DKK2: variants seen among roughly 807,000 people sequenced by gnomAD.
The protein encoded by DKK2 is dickkopf Wnt signaling pathway inhibitor 2.
A neutral mutation model predicts 28.1 loss-of-function variants in DKK2; 11 were observed. The observed-to-expected ratio is 0.39, with a 90% confidence interval of 0.25 to 0.65. The LOEUF (loss-of-function observed/expected upper bound fraction) is 0.65, where lower values mean the gene tolerates loss of function less well. Ranked by LOEUF, DKK2 falls within the 30% of genes least tolerant of loss-of-function variation. DKK2 has a pLI of 0.47. For synonymous variants in DKK2, 135 were observed against 126.5 expected (o/e 1.07, Z -0.45); for missense variants, 326 against 335.5 (o/e 0.97, Z 0.22).
chr4:107,005,296 G>A (rs372089702), intron 1 of DKK2, among the ~76,000 whole-genome samples: 1 of 142,960 alleles, frequency 7.0e-6, no homozygotes, highest in South Asian at 2.2e-4. Flanking sequence ...AGCCAAGATC[G>A]TGCCACTGCA....
At chr4:107,009,824 T>G (rs2110368456) in intron 1 of DKK2, among the ~76,000 whole-genome samples, 1 of 151,878 alleles carries the variant, frequency 6.6e-6, no homozygotes, top group East Asian at 1.9e-4. Flanking sequence ...CAAAAAGCAA[T>G]TTTAGGCTCT....
At chr4:106,962,408 C>T (rs1722698756) in intron 1 of DKK2, among the ~76,000 whole-genome samples, 1 of 151,654 alleles carries the variant, frequency 6.6e-6, no homozygotes. Context: ...CAGGCATTGA[C>T]AGCCAACTGA....
chr4:106,968,424 C>G (rs925649652), intron 1 of DKK2, among the ~76,000 whole-genome samples: 1 of 152,042 alleles, frequency 6.6e-6, no homozygotes, highest in Non-Finnish European at 1.5e-5. Flanking sequence ...TCACACAAGC[C>G]TTCTCTCCAG....
Position 106,986,738 on chromosome 4 carries a change from A to G in DKK2, c.222+48632T>C, listed in dbSNP as rs77065421. Among the ~76,000 whole-genome samples, 195 of 152,300 alleles carry G rather than the reference A, an allele frequency of 1.3e-3. 2 individuals carry two copies. The highest frequency in any genetic ancestry group is 4.6e-3 in the African/African-American group (190 of 41,572). On this transcript the variant is annotated intron_variant, in intron 1 of 3. Coordinates refer to ENST00000285311, the MANE Select transcript of DKK2 (RefSeq NM_014421.3). ...TAATTCGAAGCAGCTGGTACATTCT[A>G]AATATGGAGAGCCTGAGCTTCTAAA...
intron 1 of DKK2, among the ~76,000 whole-genome samples, chr4:106,982,438 T>C (rs1723040146): frequency 6.6e-6 from 1 of 152,082 alleles, no homozygotes; most frequent in Admixed American, 6.5e-5. Context: ...AGAAAGAAAC[T>C]CTGGTGAATC....
intron 1 of DKK2, among the ~76,000 whole-genome samples, chr4:106,993,817 C>T (rs752727977): frequency 3.9e-5 from 6 of 152,026 alleles, no homozygotes; most frequent in Non-Finnish European, 8.8e-5. Context: ...TCGGAAGCTG[C>T]GGGGAAAATA....
At chr4:107,015,364 C>T (rs999382888) in intron 1 of DKK2, among the ~76,000 whole-genome samples, 1 of 151,490 alleles carries the variant, frequency 6.6e-6, no homozygotes, top group Non-Finnish European at 1.5e-5. Context: ...TGTCAAATGC[C>T]TCTCCATGTA....
intron 1 of DKK2, among the ~76,000 whole-genome samples, chr4:106,968,293 G>A (rs2110353206): frequency 6.6e-6 from 1 of 152,202 alleles, no homozygotes; most frequent in Admixed American, 6.6e-5. Context: ...CTACTACCGT[G>A]GCTCCTTGAA....
intron 1 of DKK2, among the ~76,000 whole-genome samples, chr4:107,002,337 A>G (rs1460052139): frequency 6.6e-6 from 1 of 152,196 alleles, no homozygotes; most frequent in African/African-American, 2.4e-5. Context: ...TAGCAGACCT[A>G]TTGGTTGTTT....
intron 1 of DKK2, among the ~76,000 whole-genome samples, chr4:106,993,901 G>A (rs1039533352): frequency 1.3e-5 from 2 of 152,134 alleles, no homozygotes; most frequent in African/African-American, 4.8e-5. Context: ...AAATTGGCAG[G>A]AGTCATGAGA....
chr4:106,973,346 C>T (rs1056614956), intron 1 of DKK2, among the ~76,000 whole-genome samples: 2 of 152,212 alleles, frequency 1.3e-5, no homozygotes, highest in African/African-American at 4.8e-5. Context: ...AATTAACACT[C>T]CCACCAACAG....
intron 1 of DKK2, among the ~76,000 whole-genome samples, chr4:106,991,250 G>A (rs1010983216): frequency 3.3e-5 from 5 of 152,052 alleles, no homozygotes; most frequent in African/African-American, 9.7e-5. Context: ...GAATTGCCCA[G>A]GTTTGTACAC....
intron 1 of DKK2, among the ~76,000 whole-genome samples, chr4:106,969,576 CTGACA>C (rs1722832841): frequency 6.6e-6 from 1 of 152,088 alleles, no homozygotes; most frequent in African/African-American, 2.4e-5. Context: ...TTCTTTTCCC[CTGACA>C]TATTTTCACT....
Position 107,035,897 on chromosome 4 carries a change from C to T in DKK2, c.-306G>A, listed in dbSNP as rs554867034. On this transcript the variant is annotated 5_prime_UTR_variant, in exon 1 of 4. Coordinates refer to ENST00000285311, the MANE Select transcript of DKK2 (RefSeq NM_014421.3). ...GCGTGACCCAAGGTGCAAGAAAACCCAGCCCTGTGGATCGCACCGCTTCCG... is the reference window on the plus strand; with the variant it reads ...GCGTGACCCAAGGTGCAAGAAAACCTAGCCCTGTGGATCGCACCGCTTCCG... The T allele has an allele frequency of 4.6e-6, 2 of 432,096 alleles. No individual in the cohort carries two copies. The highest frequency in any genetic ancestry group is 8.5e-6 in the Non-Finnish European group (2 of 234,792). The allele number at this position is 432,096 out of a possible 1,614,324, so 26.8% of individuals were successfully genotyped here.
Position 107,019,090 on chromosome 4 carries a change from G to A in DKK2, c.222+16280C>T, listed in dbSNP as rs996955631. 8.6e-5 allele frequency among the ~76,000 whole-genome samples: 13 copies of A among 151,970 alleles called. 1 individual carries two copies. Among genetic ancestry groups the A allele is most frequent in the Admixed American group, 5.9e-4 (9 of 15,238 alleles). ...CATTTTGGATTTTCTCCTCAGAAAC[G>A]AGAAGATAAGAACTTCAACAACGTT... is the stretch of plus-strand genomic sequence containing the variant. On this transcript the variant is annotated intron_variant, in intron 1 of 3. Transcript: ENST00000285311.
chr4:106,975,408 C>T (rs1009880636), intron 1 of DKK2, among the ~76,000 whole-genome samples: 7 of 152,088 alleles, frequency 4.6e-5, no homozygotes, highest in African/African-American at 1.4e-4. Flanking sequence ...TAAATACTGC[C>T]TCAATTTCAG....
intron 1 of DKK2, among the ~76,000 whole-genome samples, chr4:107,008,897 GA>G (rs1431598998): frequency 6.6e-6 from 1 of 151,948 alleles, no homozygotes; most frequent in African/African-American, 2.4e-5. Flanking sequence ...AGGTCAGGCA[GA>G]AATATGACAT....
intron 1 of DKK2, among the ~76,000 whole-genome samples, chr4:106,952,247 T>A (rs1724871047): frequency 6.6e-6 from 1 of 152,174 alleles, no homozygotes; most frequent in African/African-American, 2.4e-5. Flanking sequence ...TTCTTCCTAG[T>A]AGATCAACTC....
intron 1 of DKK2, among the ~76,000 whole-genome samples, chr4:107,017,358 G>A (rs1205282802): frequency 3.3e-5 from 5 of 152,040 alleles, no homozygotes; most frequent in Non-Finnish European, 7.4e-5. Context: ...AATTATAGCT[G>A]TTTAAAGGCA....
Sources: allele counts gnomAD v4.1 joint callset (sites outside exome capture counted in the v4.1 genomes callset), GRCh38; gene constraint gnomAD v4.1.1; transcripts MANE v1.5; gene names NCBI Gene and HGNC (gene_info 2026-07-23, HGNC 2026-07-21).